The following PCDHA4 variants were observed in gnomAD, a reference collection of about 807,000 sequenced individuals.
PCDHA4 encodes protocadherin alpha 4.
In PCDHA4, 49 loss-of-function variants were observed where a neutral mutation model predicts 61.4. The observed-to-expected ratio is 0.80, with a 90% CI of 0.63 to 1.01. The LOEUF is 1.01. Among genes scored for constraint, PCDHA4 ranks in the 50% least tolerant of loss-of-function variants. The pLI is 0.00. For synonymous variants in PCDHA4, 590 were observed against 550.3 expected (o/e 1.07, Z -1.01); for missense variants, 1,254 against 1,235.8 (o/e 1.01, Z -0.22).
chr5:140,871,372 G>A lies in PCDHA4; in HGVS notation c.2385+61800G>A. 7 of 1,614,234 alleles carry A rather than the reference G, an allele frequency of 4.3e-6. No homozygotes were observed. The highest frequency in any genetic ancestry group is 5.9e-6 in the Non-Finnish European group (7 of 1,180,036). On this transcript the variant is annotated intron_variant, in intron 1 of 3. Coordinates refer to ENST00000530339, the MANE Select transcript of PCDHA4 (RefSeq NM_018907.4). Reference sequence around the variant, plus strand: ...ATACTCGCAGCAGAGGCGGCAGAGGGTGTGCTCTGAGGAGGGCCCACCTAA... The same window carrying A: ...ATACTCGCAGCAGAGGCGGCAGAGGATGTGCTCTGAGGAGGGCCCACCTAA...
chr5:140,877,014 C>T, intron 1 of PCDHA4: 4 of 1,612,440 alleles, frequency 2.5e-6, no homozygotes, highest in Non-Finnish European at 2.5e-6. Flanking sequence ...ACGCGGAGAG[C>T]GGCAAGGTGT....
chr5:140,979,144 T>C, intron 2 of PCDHA4, 137 bp downstream of exon 2: 1 of 1,448,584 alleles, frequency 6.9e-7, no homozygotes. Flanking sequence ...GCAATTATTT[T>C]GTCCCCATGT....
chr5:140,841,442 C>T (rs2150315627), intron 1 of PCDHA4: 3 of 1,613,000 alleles, frequency 1.9e-6, no homozygotes, highest in Non-Finnish European at 2.5e-6. Context: ...GGAGGCCAAA[C>T]ACGGCACCTT....
intron 1 of PCDHA4, among the ~76,000 whole-genome samples, chr5:140,878,377 T>C (rs2057568265): frequency 6.6e-6 from 1 of 152,274 alleles, no homozygotes; most frequent in Non-Finnish European, 1.5e-5. Flanking sequence ...ATATGATGAA[T>C]GATTTTCTTC....
At position 140,856,860 on chromosome 5, in the gene PCDHA4, G is replaced by A; in HGVS notation, c.2385+47288G>A. 1.3e-6 allele frequency: 2 copies of A among 1,594,690 alleles called. 1 individual carries two copies. On this transcript the variant is annotated intron_variant, in intron 1 of 3. Transcript: ENST00000530339. ...CTCAACGCTTCTGATTCGGATGAAGGAATAAACAAGGAAATGATGTATTCA... is the reference window on the plus strand; with the variant it reads ...CTCAACGCTTCTGATTCGGATGAAGAAATAAACAAGGAAATGATGTATTCA...
In PCDHA4 at chr5:140,808,957, G is replaced by A; in HGVS notation, c.1770G>A (p.Val590=). 4 of 1,613,546 alleles carry A rather than the reference G, an allele frequency of 2.5e-6. No individual in the cohort carries two copies. The highest frequency in any genetic ancestry group is 3.4e-6 in the Non-Finnish European group (4 of 1,179,676). Residue 590 remains valine (V), a synonymous_variant, in exon 1 of 4, where the codon GTG becomes GTA. Transcript: ENST00000530339. ...CATGGTCGGTGGGTGTGGGCCACGT[G>A]GTGGCAAAGGTGCGCGCGGTGGATG... ...LVPWSVGVGH[V]VAKVRAVDAD...
chr5:140,863,039 T>A (rs530548492), intron 1 of PCDHA4: 24 of 558,728 alleles, frequency 4.3e-5, no homozygotes, highest in South Asian at 3.2e-4. Flanking sequence ...GCTGCATCTG[T>A]CAGCTGGCAG....
intron 1 of PCDHA4, chr5:140,836,371 C>T: frequency 6.2e-7 from 1 of 1,613,708 alleles, no homozygotes. Context: ...ACAGCCACAG[C>T]CACCGTGCTG....
At chr5:140,944,966 C>A (rs1554216639) in intron 1 of PCDHA4, among the ~76,000 whole-genome samples, 1 of 152,080 alleles carries the variant, frequency 6.6e-6, no homozygotes, top group Non-Finnish European at 1.5e-5. Context: ...ATTATCTTAA[C>A]CTCTCTGGTG....
At chr5:140,898,321 G>A (rs370229202) in intron 1 of PCDHA4, among the ~76,000 whole-genome samples, 42 of 152,060 alleles carry the variant, frequency 2.8e-4, no homozygotes, top group Non-Finnish European at 1.2e-4. Flanking sequence ...TTATGGTTTT[G>A]GGTCTAACGT....
rs2150366293 is a variant in PCDHA4 at position 140,843,763 on chromosome 5, G to A, written c.2385+34191G>A. 5.2e-5 allele frequency: 78 copies of A among 1,492,498 alleles called. 4 individuals are homozygous for A. The Middle Eastern group carries it at 1.8e-3, about 34-fold the overall frequency. The allele number at this position is 1,492,498 out of a possible 1,614,324, so 92.5% of individuals were successfully genotyped here. A position where few individuals can be genotyped will look rare whatever the true frequency, so the allele number is the denominator to read the frequency against. Reference sequence around the variant, plus strand: ...CTCATAAATTCTATTTGTGGAAATTGTAGTTACTTTAAAAGTGTTTCAGAT... The same window carrying A: ...CTCATAAATTCTATTTGTGGAAATTATAGTTACTTTAAAAGTGTTTCAGAT... On this transcript the variant is annotated intron_variant, in intron 1 of 3. Coordinates refer to ENST00000530339, the MANE Select transcript of PCDHA4 (RefSeq NM_018907.4).
chr5:140,875,741 T>A lies in PCDHA4; in HGVS notation c.2385+66169T>A, dbSNP rs781967971. On this transcript the variant is annotated intron_variant, in intron 1 of 3. Transcript: ENST00000530339. ...GGCATTTTGTTTGTGAATTCTCGGA[T>A]CGACCGCGAGAAGCTGTGCGGGCGG... 1.7e-5 allele frequency: 28 copies of A among 1,614,216 alleles called. No individual in the cohort carries two copies. Among genetic ancestry groups the A allele is most frequent in the Non-Finnish European group, 2.2e-5 (26 of 1,180,032 alleles).
rs2150411326 is a variant in PCDHA4 at position 140,848,495 on chromosome 5, A to C, written c.2385+38923A>C. On this transcript the variant is annotated intron_variant, in intron 1 of 3. Transcript: ENST00000530339. ...AATTAGAAGAAGACTGAGTATTTGA[A>C]ATGTTATACTCAAGTCGAGGAGATC... is the stretch of plus-strand genomic sequence containing the variant. 86 of 1,576,710 alleles carry C rather than the reference A, an allele frequency of 5.5e-5. 9 individuals are homozygous for C. The highest frequency in any genetic ancestry group is 7.3e-5 in the Non-Finnish European group (84 of 1,155,398).
In PCDHA4 at chr5:140,809,062, G is replaced by A. The variant is rs781986563; in HGVS notation, c.1875G>A (p.Gly625=). ...GCGCGCGCATCCCGTTCCGCGTGGG[G>A]CTGTACACTGGCGAGATCAGCACAA... ...TGGARIPFRV[G]LYTGEISTTR... is the part of the protein sequence containing the mutation. Residue 625 remains glycine, a synonymous_variant, in exon 1 of 4, where the codon GGG becomes GGA. Transcript: ENST00000530339. The A allele has an allele frequency of 6.2e-7, 1 of 1,613,900 alleles. No homozygotes were observed. Among genetic ancestry groups the A allele is most frequent in the Non-Finnish European group, 8.5e-7 (1 of 1,179,908 alleles).
At chr5:140,966,937 C>A in intron 1 of PCDHA4, 1 of 1,604,032 alleles carries the variant, frequency 6.2e-7, no homozygotes. Context: ...CCGGCGCGCT[C>A]GTGGGCAACG....
chr5:140,927,758 A>G (rs781942462), intron 1 of PCDHA4: 1 of 1,614,170 alleles, frequency 6.2e-7, no homozygotes, highest in Non-Finnish European at 8.5e-7. Flanking sequence ...GTGCACCCTA[A>G]AAGTGGGGAG....
At chr5:140,842,699 T>A in intron 1 of PCDHA4, 3 of 1,595,060 alleles carry the variant, frequency 1.9e-6, no homozygotes, top group Non-Finnish European at 2.6e-6. Context: ...GCAGCCCGAG[T>A]ACACGGTGTT....
chr5:140,975,903 C>A (rs1189531342), intron 1 of PCDHA4, among the ~76,000 whole-genome samples: 1 of 152,090 alleles, frequency 6.6e-6, no homozygotes, highest in Admixed American at 6.6e-5. Context: ...AGTTTTGTGA[C>A]CATTATTCTA....
chr5:140,819,581 T>A (rs1766585866), intron 1 of PCDHA4, among the ~76,000 whole-genome samples: 3 of 152,184 alleles, frequency 2.0e-5, no homozygotes, highest in Admixed American at 6.5e-5. Flanking sequence ...GAAGATTTTT[T>A]AAAATGTTCT....
Sources: allele counts gnomAD v4.1 joint callset (sites outside exome capture counted in the v4.1 genomes callset), GRCh38; gene constraint gnomAD v4.1.1; transcripts MANE v1.5; gene names NCBI Gene and HGNC (gene_info 2026-07-23, HGNC 2026-07-21).